PRDM8: variants seen among roughly 807,000 people sequenced by gnomAD.
PRDM8 encodes the protein PR domain zinc finger protein 8.
PRDM8 carries 13 observed loss-of-function variants against 46.5 expected under a neutral mutation model. The ratio of observed to expected loss-of-function variants is 0.28; its 90% CI spans 0.18 to 0.44. The LOEUF is 0.44. PRDM8 is among the 20% of genes least tolerant of loss of function. The pLI is 1.00. For synonymous variants in PRDM8, 473 were observed against 438.4 expected (o/e 1.08, Z -0.98); for missense variants, 998 against 955.0 (o/e 1.04, Z -0.59).
chr4:80,200,896 T>C (rs1461345606), intron 2 of PRDM8, among the ~76,000 whole-genome samples: 1 of 152,232 alleles, frequency 6.6e-6, no homozygotes, highest in Non-Finnish European at 1.5e-5. Flanking sequence ...TGCCATAGCA[T>C]AATTTCTAAG....
upstream of PRDM8, chr4:80,196,059 A>G: frequency 3.0e-6 from 3 of 985,118 alleles, no homozygotes; most frequent in Non-Finnish European, 3.6e-6. Flanking sequence ...CAGGCTGTCA[A>G]AGCCTCAATA....
chr4:80,197,973 C>G (rs1193480248), intron 1 of PRDM8, among the ~76,000 whole-genome samples: 1 of 152,198 alleles, frequency 6.6e-6, no homozygotes, highest in Non-Finnish European at 1.5e-5. Flanking sequence ...AGCGCGCGGC[C>G]GCCAGACAAT....
chr4:80,193,378 A>G (rs1737696558), upstream of PRDM8, among the ~76,000 whole-genome samples: 1 of 152,192 alleles, frequency 6.6e-6, no homozygotes, highest in African/African-American at 2.4e-5. Flanking sequence ...CAACTCAGCA[A>G]GCATGGCTCT....
intron 1 of PRDM8, among the ~76,000 whole-genome samples, chr4:80,199,007 TTTTTTTTTTTTA>T (rs1738213703): frequency 4.6e-5 from 6 of 131,344 alleles, no homozygotes; most frequent in African/African-American, 1.9e-4. Context: ...TTTTTTTTTT[TTTTTTTTTTTTA>T]GTGATAAGTC....
upstream of PRDM8, among the ~76,000 whole-genome samples, chr4:80,193,937 T>C (rs1363916157): frequency 6.6e-6 from 1 of 152,236 alleles, no homozygotes; most frequent in Non-Finnish European, 1.5e-5. Context: ...TTCATTCTCA[T>C]GGGATAATAA....
At chr4:80,199,216 T>C (rs1738237111) in intron 1 of PRDM8, among the ~76,000 whole-genome samples, 1 of 151,970 alleles carries the variant, frequency 6.6e-6, no homozygotes, top group African/African-American at 2.4e-5. Context: ...AATTTACCAG[T>C]CATTACACAC....
Position 80,198,979 on chromosome 4 carries a change from GGTTTTTTTTTTTTTGTT to G in PRDM8, c.-2-1099_-2-1083del, listed in dbSNP as rs1218419365. Among the ~76,000 whole-genome samples the G allele has an allele frequency of 3.6e-4, 41 of 113,526 alleles. 1 individual carries two copies. The highest frequency in any genetic ancestry group is 3.0e-3 in the South Asian group (9 of 2,970). 74.5% of individuals were successfully genotyped at this position (113,526 alleles called of 152,430 possible). On this transcript the variant is annotated intron_variant, in intron 1 of 3. Transcript: ENST00000415738. The stretch of plus-strand genomic sequence containing the variant: ...AAATTTAAATACCTGGGTTTTTTTG[GGTTTTTTTTTTTTTGTT>G]TTTTTTTTTTTTTTTTTTTTTTAGT...
chr4:80,199,262 G>C (rs535005221), intron 1 of PRDM8, among the ~76,000 whole-genome samples: 3 of 151,908 alleles, frequency 2.0e-5, no homozygotes, highest in Non-Finnish European at 4.4e-5. Flanking sequence ...GGCCTGTCCT[G>C]TACCTGCTCA....
chr4:80,202,179 C>T lies in PRDM8; in HGVS notation c.717C>T (p.Pro239=). Residue 239 remains proline (P), a synonymous_variant, in exon 4 of 4, where the codon CCC becomes CCT. Coordinates refer to ENST00000415738, the MANE Select transcript of PRDM8 (RefSeq NM_001099403.2). The stretch of plus-strand genomic sequence containing the variant: ...GCCCCCTCCACCACTACCCATCCCC[C>T]TCCCCGGAAAGCAGCAACCCATCCG... ...KAGPLHHYPS[P]SPESSNPSAA... 6.2e-7 allele frequency: 1 copy of T among 1,611,984 alleles called. No individual in the cohort carries two copies. Among genetic ancestry groups the T allele is most frequent in the South Asian group, 1.1e-5 (1 of 91,046 alleles).
chr4:80,202,079 GC>G lies in PRDM8; in HGVS notation c.618del (p.Gly207AlafsTer15). On this transcript the variant is annotated frameshift_variant, in exon 4 of 4. Coordinates refer to ENST00000415738, the MANE Select transcript of PRDM8 (RefSeq NM_001099403.2). LOFTEE classifies it high-confidence loss of function. ...GGCACCAAGGACCACGGGGGCGGCG[GC>G]GGCGGTGGCAAAGACCAGCAGCAGC... ...GVGTKDHGGG[G>X]GGGKDQQQQQ... 1 of 1,613,420 alleles carries G rather than the reference GC, an allele frequency of 6.2e-7. No homozygotes were observed. The highest frequency in any genetic ancestry group is 8.5e-7 in the Non-Finnish European group (1 of 1,179,860).
At chr4:80,191,011 A>G (rs1245900472) in intron 1 of PRDM8, among the ~76,000 whole-genome samples, 1 of 152,182 alleles carries the variant, frequency 6.6e-6, no homozygotes. Context: ...TATACTCAGG[A>G]AATATATTCT....
chr4:80,201,472 G>C lies in PRDM8; in HGVS notation c.402G>C (p.Leu134=). ...EELLVWYGKE[L]TELLLLCPSR... ...TACTAGTTTGGTACGGGAAAGAACT[G>C]ACTGAGTTACTCTTGCTCTGCCCCT... Residue 134 remains leucine (L), a synonymous_variant, in exon 3 of 4, where the codon CTG becomes CTC. Transcript: ENST00000415738. 3 of 1,614,146 alleles carry C rather than the reference G, an allele frequency of 1.9e-6. No homozygotes were observed. The highest frequency in any genetic ancestry group is 2.5e-6 in the Non-Finnish European group (3 of 1,179,982).
chr4:80,186,430 G>GGAGAGAGAGAGGGAGAGAGAGAGAGA (rs1737084692), intron 1 of PRDM8, among the ~76,000 whole-genome samples: 1 of 129,920 alleles, frequency 7.7e-6, no homozygotes, highest in Non-Finnish European at 1.6e-5. Flanking sequence ...AAGGCAGGGT[G>GGAGAGAGAGAGGGAGAGAGAGAGAGA]GAGAGAGAGA....
chr4:80,202,014 C>A lies in PRDM8; in HGVS notation c.552C>A (p.Ser184Arg), dbSNP rs767040118. The A allele has an allele frequency of 8.7e-6, 14 of 1,614,122 alleles. No individual in the cohort carries two copies. The highest frequency in any genetic ancestry group is 1.2e-5 in the Non-Finnish European group (14 of 1,180,010). ...LRFRCPKRLHSADISPQDEQG... is the reference protein window; with the variant it reads ...LRFRCPKRLHRADISPQDEQG... ...TCCGCTGCCCCAAGAGACTTCACAG[C>A]GCTGATATAAGTCCCCAAGACGAAC... Residue 184 changes from serine to arginine, a missense_variant, in exon 4 of 4, where the codon AGC becomes AGA. By Grantham distance (110) the Ser-to-Arg change is moderately radical. Transcript: ENST00000415738.
In PRDM8 at chr4:80,197,741, A is replaced by T; in HGVS notation, c.-25A>T. Reference sequence around the variant, plus strand: ...GGTTCCAGGTGGCCTTATTTGGGAGATTCTATACTGACCTTATTCCTGGTA... The same window carrying T: ...GGTTCCAGGTGGCCTTATTTGGGAGTTTCTATACTGACCTTATTCCTGGTA... On this transcript the variant is annotated 5_prime_UTR_variant, in exon 1 of 4. Coordinates refer to ENST00000415738, the MANE Select transcript of PRDM8 (RefSeq NM_001099403.2). The T allele has an allele frequency of 3.0e-6, 3 of 985,018 alleles. No homozygotes were observed. The highest frequency in any genetic ancestry group is 3.6e-6 in the Non-Finnish European group (3 of 829,204). The allele number at this position is 985,018 out of a possible 1,614,324, so 61.0% of individuals were successfully genotyped here. A position where few individuals can be genotyped will look rare whatever the true frequency, so the allele number is the denominator to read the frequency against.
Position 80,202,920 on chromosome 4 carries a change from G to T in PRDM8, c.1458G>T (p.Ala486=), listed in dbSNP as rs1365848649. The part of the protein sequence containing the change: ...GGTGAGAAGG[A]GGGQGAASDE... The stretch of plus-strand genomic sequence containing the variant: ...CGGGCGCCGGGGCCGCAGGCGGCGC[G>T]GGCGGGGGCCAGGGCGCCGCGTCGG... The change falls in exon 4 of 4, where the codon GCG becomes GCT. Residue 486 remains alanine, a synonymous_variant. Transcript: ENST00000415738. 6 of 1,359,366 alleles carry T rather than the reference G, an allele frequency of 4.4e-6. No individual in the cohort carries two copies. The highest frequency in any genetic ancestry group is 5.6e-6 in the Non-Finnish European group (6 of 1,066,722). 84.2% of individuals were successfully genotyped at this position (1,359,366 alleles called of 1,614,324 possible). A position where few individuals can be genotyped will look rare whatever the true frequency, so the allele number is the denominator to read the frequency against.
At chr4:80,198,979 G>GTTT (rs1738184321) in intron 1 of PRDM8, among the ~76,000 whole-genome samples, 4 of 113,520 alleles carry the variant, frequency 3.5e-5, no homozygotes, top group Non-Finnish European at 5.1e-5. Flanking sequence ...GGTTTTTTTG[G>GTTT]GTTTTTTTTT....
rs771399439 is a variant in PRDM8, at chr4:80,203,031, C to G, written c.1569C>G (p.Leu523=). ...PLVLGQKLGA[L]EPCHPADGVG... ...TGCTGGGCCAGAAGCTGGGCGCGCTCGAGCCATGCCACCCCGCCGACGGCG... is the reference window on the plus strand; with the variant it reads ...TGCTGGGCCAGAAGCTGGGCGCGCTGGAGCCATGCCACCCCGCCGACGGCG... The change falls in exon 4 of 4, where the codon CTC becomes CTG. Residue 523 remains leucine (L), a synonymous_variant. Coordinates refer to ENST00000415738, the MANE Select transcript of PRDM8 (RefSeq NM_001099403.2). 29 of 1,535,512 alleles carry G rather than the reference C, an allele frequency of 1.9e-5. No homozygotes were observed. The highest frequency in any genetic ancestry group is 2.3e-5 in the Non-Finnish European group (27 of 1,150,684).
chr4:80,189,997 G>C (rs1476255634), intron 1 of PRDM8: 1 of 152,236 alleles, frequency 6.6e-6, no homozygotes, highest in Non-Finnish European at 1.5e-5. Flanking sequence ...GTTCGCCCTC[G>C]TTCCCTTAGA....
Sources: gnomAD v4.1 joint callset for allele counts (sites outside exome capture counted in the v4.1 genomes callset) on GRCh38, gnomAD v4.1.1 for gene constraint, MANE v1.5 for transcripts, NCBI Gene and HGNC (gene_info 2026-07-23, HGNC 2026-07-21) for gene names.